AGO3: variants seen among roughly 807,000 people sequenced by gnomAD.
The protein encoded by AGO3 is argonaute RISC catalytic component 3.
Under a neutral mutation model 105.5 loss-of-function variants are expected in AGO3, and 16 were observed. The observed-to-expected ratio is 0.15, with a 90% confidence interval of 0.10 to 0.23. AGO3 has a LOEUF of 0.23. Ranked by LOEUF, AGO3 falls within the 10% of genes least tolerant of loss-of-function variation. AGO3 has a pLI of 1.00. For missense variants in AGO3, 534 were observed against 1,088.0 expected (o/e 0.49, Z 7.16); for synonymous variants, 340 against 367.3 (o/e 0.93, Z 0.85).
chr1:36,007,220 A>G (rs1309086188), intron 6 of AGO3, among the ~76,000 whole-genome samples: 6 of 152,220 alleles, frequency 3.9e-5, no homozygotes, highest in Non-Finnish European at 8.8e-5. Flanking sequence ...GACAAAGAGT[A>G]ATAACCATAA....
chr1:35,945,957 G>A, intron 2 of AGO3, 94 bp downstream of exon 2: 1 of 1,286,984 alleles, frequency 7.8e-7, no homozygotes, highest in Non-Finnish European at 1.1e-6. Context: ...ATTACAATGT[G>A]TAACAGTTTG....
intron 17 of AGO3, among the ~76,000 whole-genome samples, chr1:36,044,564 C>T (rs1315207642): frequency 1.3e-5 from 2 of 151,938 alleles, no homozygotes; most frequent in East Asian, 3.8e-4. Context: ...GCTGGGATTA[C>T]AGACTGAGAT....
chr1:35,960,440 A>G (rs2148763904), intron 2 of AGO3, among the ~76,000 whole-genome samples: 1 of 152,202 alleles, frequency 6.6e-6, no homozygotes, highest in Non-Finnish European at 1.5e-5. Context: ...TGATCACATC[A>G]CTGCACTCAA....
At chr1:36,021,402 C>G (rs987792772) in intron 11 of AGO3, among the ~76,000 whole-genome samples, 1 of 151,986 alleles carries the variant, frequency 6.6e-6, no homozygotes, top group Admixed American at 6.6e-5. Context: ...ACGTAATAAC[C>G]ATAATTATGT....
rs927953143 is a variant in AGO3, at chr1:36,062,020, C to T, written c.*6275C>T. 1 of 152,008 alleles carries T rather than the reference C, an allele frequency of 6.6e-6. No individual in the cohort carries two copies. Among genetic ancestry groups the T allele is most frequent in the Non-Finnish European group, 1.5e-5 (1 of 68,008 alleles). The allele number at this position is 152,008 out of a possible 1,614,324, so 9.4% of individuals were successfully genotyped here. ...TTAGTAGAATTACCTCTTTTAATTC[C>T]CAACTGTGTTGGAGGAAATCCATAA... On this transcript the variant is annotated 3_prime_UTR_variant, in exon 19 of 19. Transcript: ENST00000373191.
chr1:35,996,419 G>T (rs1056295206), intron 5 of AGO3, among the ~76,000 whole-genome samples: 3 of 151,508 alleles, frequency 2.0e-5, no homozygotes, highest in African/African-American at 7.3e-5. Flanking sequence ...TATGAAAATT[G>T]TACATAACTC....
At position 36,070,917 on chromosome 1, in the gene AGO3, G is replaced by C. The variant is rs1643153876; in HGVS notation, c.*15172G>C. The C allele has an allele frequency of 6.6e-6, 1 of 152,168 alleles. No individual in the cohort carries two copies. Among genetic ancestry groups the C allele is most frequent in the Non-Finnish European group, 1.5e-5 (1 of 68,030 alleles). The allele number at this position is 152,168 out of a possible 1,614,324, so 9.4% of individuals were successfully genotyped here. A position where few individuals can be genotyped will look rare whatever the true frequency, so the allele number is the denominator to read the frequency against. ...TATCTTGTGAATAAAGATCATTCTT[G>C]TGGACTAGTACGTGGATGCATTCAT... On this transcript the variant is annotated 3_prime_UTR_variant, in exon 19 of 19. Coordinates refer to ENST00000373191, the MANE Select transcript of AGO3 (RefSeq NM_024852.4).
intron 2 of AGO3, among the ~76,000 whole-genome samples, chr1:35,955,332 A>T (rs1395543277): frequency 6.6e-6 from 1 of 152,240 alleles, no homozygotes; most frequent in Non-Finnish European, 1.5e-5. Flanking sequence ...AATTTGTTTG[A>T]CCAAAAAATA....
Position 36,039,957 on chromosome 1 carries a change from T to C in AGO3, c.2010T>C (p.Asp670=), listed in dbSNP as rs1463199519. The change falls in exon 15 of 19, where the codon GAT becomes GAC. Residue 670 remains aspartate, a synonymous_variant. Transcript: ENST00000373191. ...CTACTCGTATCATCTTTTATCGGGA[T>C]GGTGTTTCAGAGGGGCAGTTTAGGC... is the stretch of plus-strand genomic sequence containing the variant. ...FKPTRIIFYR[D]GVSEGQFRQV... 2 of 1,613,322 alleles carry C rather than the reference T, an allele frequency of 1.2e-6. No individual in the cohort carries two copies. Among genetic ancestry groups the C allele is most frequent in the Non-Finnish European group, 1.7e-6 (2 of 1,179,740 alleles).
At chr1:35,943,293 ATG>A (rs1284935950) in intron 1 of AGO3, among the ~76,000 whole-genome samples, 4 of 138,932 alleles carry the variant, frequency 2.9e-5, no homozygotes, top group Non-Finnish European at 6.1e-5. Context: ...CAGGCGTGCC[ATG>A]CCCATCTTTT....
chr1:36,046,554 A>T (rs1642477856), intron 17 of AGO3, among the ~76,000 whole-genome samples: 1 of 135,544 alleles, frequency 7.4e-6, no homozygotes, highest in South Asian at 2.5e-4. Flanking sequence ...AATTAGTTGG[A>T]CGTCATGGCG....
rs367839808 is a variant in AGO3, at chr1:35,968,010, G to C, written c.312+935G>C. Among the ~76,000 whole-genome samples, 4 of 152,108 alleles carry C rather than the reference G, an allele frequency of 2.6e-5. No individual in the cohort carries two copies. In the East Asian group the frequency reaches 7.7e-4, roughly 29 times the overall value. On this transcript the variant is annotated intron_variant, in intron 3 of 18. Transcript: ENST00000373191. The stretch of plus-strand genomic sequence containing the variant: ...AAATTATTTTGTAGAATGTCCTTCA[G>C]TCTGGGTTTGTCTGATACTTCCCCT...
intron 2 of AGO3, among the ~76,000 whole-genome samples, chr1:35,963,961 A>G (rs1646727800): frequency 6.8e-6 from 1 of 148,032 alleles, no homozygotes; most frequent in African/African-American, 2.6e-5. Flanking sequence ...GATATATTCC[A>G]TTGGAAGTTC....
rs185741150 is a variant in AGO3, at chr1:36,041,305, G to A, written c.2172+864G>A. On this transcript the variant is annotated intron_variant, in intron 16 of 18. Coordinates refer to ENST00000373191, the MANE Select transcript of AGO3 (RefSeq NM_024852.4). ...CGCCCAGGTTGGAGTGCGGTGGCGCGATCTCAGCTCGCTGCAAGCTCCGCC... is the reference window on the plus strand; with the variant it reads ...CGCCCAGGTTGGAGTGCGGTGGCGCAATCTCAGCTCGCTGCAAGCTCCGCC... Among the ~76,000 whole-genome samples, 22 of 141,390 alleles carry A rather than the reference G, an allele frequency of 1.6e-4. No individual in the cohort carries two copies. In the East Asian group the frequency reaches 4.4e-3, roughly 28 times the overall value. 92.8% of individuals were successfully genotyped at this position (141,390 alleles called of 152,430 possible). A position where few individuals can be genotyped will look rare whatever the true frequency, so the allele number is the denominator to read the frequency against.
chr1:36,029,385 TTC>T (rs950085351), intron 12 of AGO3, among the ~76,000 whole-genome samples: 3 of 150,816 alleles, frequency 2.0e-5, no homozygotes, highest in African/African-American at 7.3e-5. Context: ...AATTTTCTCT[TTC>T]TTTCTTTTTT....
At chr1:35,985,392 A>G (rs1284010610) in intron 5 of AGO3, among the ~76,000 whole-genome samples, 1 of 152,252 alleles carries the variant, frequency 6.6e-6, no homozygotes, top group Admixed American at 6.5e-5. Flanking sequence ...AGAATTTTAA[A>G]GAAAAATAAA....
intron 2 of AGO3, among the ~76,000 whole-genome samples, chr1:35,949,290 T>A (rs1646426906): frequency 6.6e-6 from 1 of 152,244 alleles, no homozygotes; most frequent in Admixed American, 6.5e-5. Flanking sequence ...CTAAAAATCA[T>A]ATAAATCAGC....
intron 1 of AGO3, among the ~76,000 whole-genome samples, chr1:35,938,736 A>G (rs1646199196): frequency 6.6e-6 from 1 of 152,222 alleles, no homozygotes; most frequent in Admixed American, 6.5e-5. Flanking sequence ...TAGAAGTAGA[A>G]TTATTGAAAC....
At chr1:36,022,933 CA>C (rs1276165724) in intron 11 of AGO3, among the ~76,000 whole-genome samples, 4 of 25,396 alleles carry the variant, frequency 1.6e-4, no homozygotes, top group East Asian at 4.8e-4. Context: ...AAAAAAAAAA[CA>C]AAAAAAAAAA....
Sources: gnomAD v4.1 joint callset for allele counts (sites outside exome capture counted in the v4.1 genomes callset) on GRCh38, gnomAD v4.1.1 for gene constraint, MANE v1.5 for transcripts, NCBI Gene and HGNC (gene_info 2026-07-23, HGNC 2026-07-21) for gene names.